ECE1: variants seen among roughly 807,000 people sequenced by gnomAD.
ECE1 encodes the protein endothelin-converting enzyme 1.
In ECE1, 35 loss-of-function variants were observed where a neutral mutation model predicts 98.6. That is an observed-to-expected ratio of 0.35 (90% CI 0.27 to 0.47). The LOEUF (loss-of-function observed/expected upper bound fraction) is 0.47, where lower values mean the gene tolerates loss of function less well. Among genes scored for constraint, ECE1 ranks in the 20% least tolerant of loss-of-function variants. The pLI is 1.00. For synonymous variants in ECE1, 394 were observed against 407.1 expected (o/e 0.97, Z 0.39); for missense variants, 814 against 1,025.3 (o/e 0.79, Z 2.81).
chr1:21,236,999 C>T (rs978147684), intron 11 of ECE1, among the ~76,000 whole-genome samples, 155 bp from the exon 12 acceptor site: 1 of 152,166 alleles, frequency 6.6e-6, no homozygotes, highest in African/African-American at 2.4e-5. Flanking sequence ...GCTTCCAAAC[C>T]ACGCTCCTAA....
In ECE1 at chr1:21,260,471, A is replaced by T; in HGVS notation, c.494-79T>A. The T allele has an allele frequency of 6.4e-7, 1 of 1,566,128 alleles. No individual in the cohort carries two copies. The highest frequency in any genetic ancestry group is 8.8e-7 in the Non-Finnish European group (1 of 1,138,784). On this transcript the variant is annotated intron_variant, in intron 4 of 18. Coordinates refer to ENST00000374893, the MANE Select transcript of ECE1 (RefSeq NM_001397.3). The surrounding 1 kb of genome is among the most constrained non-coding windows in gnomAD (Gnocchi z 4.3). ...GCTTTGGGGCAGTCCCTCTTTTCGG[A>T]GCCTTGGTGTTCTCAGCTGCAAAGG...
intron 3 of ECE1, among the ~76,000 whole-genome samples, chr1:21,274,212 G>C (rs1486216646): frequency 6.6e-6 from 1 of 152,244 alleles, no homozygotes; most frequent in African/African-American, 2.4e-5. Flanking sequence ...GCGGAGAGCT[G>C]AGAGCTGGGC....
At chr1:21,257,877 A>G (rs1327816376) in intron 6 of ECE1, among the ~76,000 whole-genome samples, 1 of 152,208 alleles carries the variant, frequency 6.6e-6, no homozygotes, top group African/African-American at 2.4e-5. Flanking sequence ...AAGTGCCTCT[A>G]TCTCCCCAAC....
At chr1:21,291,258 G>A (rs1485095502), upstream of ECE1, among the ~76,000 whole-genome samples, 2 of 152,226 alleles carry the variant, frequency 1.3e-5, no homozygotes, top group East Asian at 1.9e-4. Flanking sequence ...ACCCCAGAGA[G>A]GTCTAACCCA....
intron 10 of ECE1, chr1:21,238,482 C>T (rs2098191252): frequency 6.9e-6 from 4 of 580,690 alleles, no homozygotes; most frequent in Admixed American, 5.6e-5. Flanking sequence ...AATAGTGTCC[C>T]GTTGAGCCAT....
intron 1 of ECE1, among the ~76,000 whole-genome samples, chr1:21,336,417 G>A (rs1269263661): frequency 6.6e-6 from 1 of 151,992 alleles, no homozygotes; most frequent in Admixed American, 6.6e-5. Flanking sequence ...CACTGAGGCC[G>A]GGCGTGGTGG....
At position 21,238,217 on chromosome 1, in the gene ECE1, C is replaced by T. The variant is rs747518100; in HGVS notation, c.1306G>A (p.Val436Met). The part of the protein sequence containing the change: ...KTCLPRWKFC[V>M]SDTENNLGFA... Reference sequence around the variant, plus strand: ...CCCAGGTTGTTTTCTGTGTCACTCACGCAAAACTTCCAGCGAGGAAGACAG... The same window carrying T: ...CCCAGGTTGTTTTCTGTGTCACTCATGCAAAACTTCCAGCGAGGAAGACAG... The change falls in exon 11 of 19, where the codon GTG (valine) becomes ATG (methionine). Residue 436 changes from valine to methionine, a missense_variant. Val to Met is a conservative substitution (Grantham distance 21). Around this residue, in one of 3 missense-constraint regions of ECE1, gnomAD observed 452 missense variants for 567.3 expected, o/e 0.80. Coordinates refer to ENST00000374893, the MANE Select transcript of ECE1 (RefSeq NM_001397.3). 9 of 1,614,110 alleles carry T rather than the reference C, an allele frequency of 5.6e-6. No homozygotes were observed. The highest frequency in any genetic ancestry group is 3.3e-5 in the Admixed American group (2 of 59,998).
chr1:21,292,346 TTTC>T (rs2098267359), upstream of ECE1, among the ~76,000 whole-genome samples: 1 of 149,284 alleles, frequency 6.7e-6, no homozygotes, highest in Non-Finnish European at 1.5e-5. Flanking sequence ...TTTCTACAAG[TTTC>T]TTCTTCCCCC....
intron 14 of ECE1, among the ~76,000 whole-genome samples, chr1:21,232,332 T>C (rs2098182873): frequency 6.6e-6 from 1 of 151,534 alleles, no homozygotes; most frequent in Admixed American, 6.6e-5. Flanking sequence ...AGGGTCTCGC[T>C]CTGTTGCCCA....
chr1:21,254,786 C>T (rs1380814139), intron 8 of ECE1, among the ~76,000 whole-genome samples: 1 of 152,226 alleles, frequency 6.6e-6, no homozygotes, highest in African/African-American at 2.4e-5. Context: ...AGCAGCACCA[C>T]TGAGCCTCAG....
chr1:21,295,761 T>A (rs1302813853), intron 1 of ECE1, among the ~76,000 whole-genome samples: 1 of 152,232 alleles, frequency 6.6e-6, no homozygotes, highest in Admixed American at 6.5e-5. Context: ...TGTATTTTAT[T>A]TATAACCTAT....
At chr1:21,245,358 A>T (rs969208657) in intron 9 of ECE1, among the ~76,000 whole-genome samples, 3 of 152,174 alleles carry the variant, frequency 2.0e-5, no homozygotes, top group Non-Finnish European at 4.4e-5. Flanking sequence ...GTGCTCAATA[A>T]ATGCTTGTTG....
At chr1:21,312,122 CAAA>C (rs34057869) in intron 1 of ECE1, among the ~76,000 whole-genome samples, 72 of 113,676 alleles carry the variant, frequency 6.3e-4, no homozygotes, top group East Asian at 5.5e-3. Context: ...GATTCTGTCT[CAAA>C]AAAAAAAAAA....
chr1:21,320,038 G>T (rs213018), intron 1 of ECE1, among the ~76,000 whole-genome samples: 83,252 of 152,164 alleles, frequency 0.55, 24,377 homozygotes, highest in African/African-American at 0.77. Context: ...AAACAAAGGT[G>T]CATGCATAAA....
At chr1:21,332,383 A>G (rs1432199294) in intron 1 of ECE1, among the ~76,000 whole-genome samples, 3 of 151,824 alleles carry the variant, frequency 2.0e-5, no homozygotes, top group African/African-American at 2.4e-5. Flanking sequence ...TACTGCAGGC[A>G]CTGATCCTGG....
chr1:21,228,844 C>CTT (rs540408679), intron 14 of ECE1, among the ~76,000 whole-genome samples: 9 of 92,612 alleles, frequency 9.7e-5, no homozygotes, highest in Admixed American at 1.6e-4. Context: ...TGAAGAGTAT[C>CTT]TTTTTTTTTT....
chr1:21,274,386 C>A (rs1263395751), intron 3 of ECE1, among the ~76,000 whole-genome samples: 1 of 152,206 alleles, frequency 6.6e-6, no homozygotes, highest in Non-Finnish European at 1.5e-5. Context: ...GGCCACTAGA[C>A]CTGGGTTCAA....
In ECE1 at chr1:21,324,832, G is replaced by A. The variant is rs3026826; in HGVS notation, c.3+20544C>T. ...TCCCCAACCGAGTGTGTCACTGGGC[G>A]TCACCCAGCACTGCTCAAGTTGAAC... is the stretch of plus-strand genomic sequence containing the variant. On this transcript the variant is annotated intron_variant, in intron 1 of 18. Coordinates refer to the ECE1 transcript ENST00000415912. 9.1e-3 allele frequency among the ~76,000 whole-genome samples: 1,379 copies of A among 152,306 alleles called. 20 individuals carry two copies. The highest frequency in any genetic ancestry group is 0.031 in the African/African-American group (1,290 of 41,560).
chr1:21,227,326 G>T, intron 15 of ECE1, 100 bp from the exon 16 acceptor site: 1 of 1,214,496 alleles, frequency 8.2e-7, no homozygotes. Context: ...TAGAGATATA[G>T]CAAAATTCCA....
Sources: allele counts gnomAD v4.1 joint callset (sites outside exome capture counted in the v4.1 genomes callset), GRCh38; gene constraint gnomAD v4.1.1; regional missense constraint gnomAD v4.1.1; non-coding constraint Gnocchi (gnomAD v3.1); transcripts MANE v1.5; gene names NCBI Gene and HGNC (gene_info 2026-07-23, HGNC 2026-07-21).